Variants in SLC6A2 observed in about 807,000 individuals in gnomAD.
SLC6A2 encodes the protein solute carrier family 6 member 2, also known as sodium-dependent noradrenaline transporter.
Under a neutral mutation model 71.7 loss-of-function variants are expected in SLC6A2, and 26 were observed. That is an observed-to-expected ratio of 0.36 (90% CI 0.27 to 0.50). The LOEUF (loss-of-function observed/expected upper bound fraction) is 0.50. Among genes scored for constraint, SLC6A2 ranks in the 20% least tolerant of loss-of-function variants. SLC6A2 has a pLI of 0.96. For synonymous variants in SLC6A2, 363 were observed against 337.9 expected, an observed-to-expected ratio of 1.07 and a Z score of -0.82; for missense variants, 581 against 803.9, an observed-to-expected ratio of 0.72 and a Z score of 3.35.
At chr16:55,685,467 C>G (rs1280428669) in intron 5 of SLC6A2, among the ~76,000 whole-genome samples, 186 bp downstream of exon 5, 1 of 152,150 alleles carries the variant, frequency 6.6e-6, no homozygotes, top group Non-Finnish European at 1.5e-5. Flanking sequence ...TTTCCCTTCC[C>G]CAAATCTGTG....
At chr16:55,688,945 C>T (rs74019218) in intron 5 of SLC6A2, among the ~76,000 whole-genome samples, 3,257 of 152,250 alleles carry the variant, frequency 0.021, 111 homozygotes, top group African/African-American at 0.074. Flanking sequence ...ACAAATTATC[C>T]ATAGAAATAC....
At chr16:55,689,581 G>T (rs1164298065) in intron 5 of SLC6A2, among the ~76,000 whole-genome samples, 1 of 152,208 alleles carries the variant, frequency 6.6e-6, no homozygotes, top group Non-Finnish European at 1.5e-5. Flanking sequence ...TGCAGCTATT[G>T]ACATGAGTTT....
At chr16:55,699,212 T>C (rs1965895146) in intron 11 of SLC6A2, among the ~76,000 whole-genome samples, 1 of 152,108 alleles carries the variant, frequency 6.6e-6, no homozygotes, top group African/African-American at 2.4e-5. Context: ...GTATGCATAG[T>C]TGTTGTTATT....
At chr16:55,670,689 CAAACAAGT>C (rs1397776336) in intron 3 of SLC6A2, among the ~76,000 whole-genome samples, 1 of 152,140 alleles carries the variant, frequency 6.6e-6, no homozygotes, top group Non-Finnish European at 1.5e-5. Flanking sequence ...TTACCAAAAG[CAAACAAGT>C]AAACAAACAA....
At chr16:55,661,650 G>A (rs1473338331) in intron 2 of SLC6A2, among the ~76,000 whole-genome samples, 2 of 152,166 alleles carry the variant, frequency 1.3e-5, no homozygotes, top group African/African-American at 4.8e-5. Context: ...TCCCACTTGG[G>A]TCTGGAGCCC....
chr16:55,667,838 T>A (rs1964796385), intron 2 of SLC6A2, among the ~76,000 whole-genome samples: 1 of 152,200 alleles, frequency 6.6e-6, no homozygotes, highest in Non-Finnish European at 1.5e-5. Context: ...CTGTGGGGCA[T>A]GTTGGAAACA....
chr16:55,671,672 G>T, intron 3 of SLC6A2: 1 of 637,694 alleles, frequency 1.6e-6, no homozygotes, highest in Non-Finnish European at 2.7e-6. Flanking sequence ...GAGGGATCTA[G>T]GTTGTGTGCT....
intron 3 of SLC6A2, chr16:55,671,671 A>C (rs1396752736): frequency 1.6e-6 from 1 of 632,456 alleles, no homozygotes; most frequent in Non-Finnish European, 2.7e-6. Context: ...CGAGGGATCT[A>C]GGTTGTGTGC....
At position 55,700,236 on chromosome 16, in the gene SLC6A2, T is replaced by C; in HGVS notation, c.1688T>C (p.Leu563Pro). Reference sequence around the variant, plus strand: ...AACTGGGTGGGGTGGGGCATCGCCCTGTCCTCCATGGTCCTGGTGCCCATC... The same window carrying C: ...AACTGGGTGGGGTGGGGCATCGCCCCGTCCTCCATGGTCCTGGTGCCCATC... ...WANWVGWGIALSSMVLVPIYV... is the reference protein window; with the variant it reads ...WANWVGWGIAPSSMVLVPIYV... The change falls in exon 13 of 15, where the codon CTG (leucine) becomes CCG (proline). Residue 563 changes from leucine (L) to proline (P), a missense_variant. Coordinates refer to ENST00000568943, the MANE Select transcript of SLC6A2 (RefSeq NM_001172501.3). 1 of 1,614,072 alleles carries C rather than the reference T, an allele frequency of 6.2e-7. No homozygotes were observed. The highest frequency in any genetic ancestry group is 8.5e-7 in the Non-Finnish European group (1 of 1,179,980).
At chr16:55,666,660 A>G (rs1209613237) in intron 2 of SLC6A2, among the ~76,000 whole-genome samples, 2 of 152,142 alleles carry the variant, frequency 1.3e-5, no homozygotes, top group African/African-American at 4.8e-5. Flanking sequence ...CAGACCCATC[A>G]TCTTCCCTCC....
At position 55,696,171 on chromosome 16, in the gene SLC6A2, G is replaced by T; in HGVS notation, c.1148-54G>T. ...GCCCCCAGATACTCCCCTATCATGT[G>T]CAGCTCAGACCAATGGTTTCAGCCA... On this transcript the variant is annotated intron_variant, in intron 8 of 14. Coordinates refer to ENST00000568943, the MANE Select transcript of SLC6A2 (RefSeq NM_001172501.3). 3.7e-6 allele frequency: 4 copies of T among 1,070,722 alleles called. No homozygotes were observed. The South Asian group carries it at 3.7e-5, about 10-fold the overall frequency. The allele number at this position is 1,070,722 out of a possible 1,614,324, so 66.3% of individuals were successfully genotyped here.
At position 55,703,843 on chromosome 16, in the gene SLC6A2, A is replaced by T. The variant is rs1966044487; in HGVS notation, c.*1497A>T. 1.7e-5 allele frequency: 17 copies of T among 983,504 alleles called. No homozygotes were observed. The highest frequency in any genetic ancestry group is 2.1e-5 in the Non-Finnish European group (17 of 828,284). 60.9% of individuals were successfully genotyped at this position (983,504 alleles called of 1,614,324 possible). On this transcript the variant is annotated 3_prime_UTR_variant, in exon 15 of 15. Transcript: ENST00000568943. ...GTTGAGCCTGGTGGTTCCTGCATGA[A>T]GAGGATTATGAGGGGACCAGGGTGG...
chr16:55,662,471 G>C (rs765191891), intron 2 of SLC6A2, among the ~76,000 whole-genome samples: 1 of 152,138 alleles, frequency 6.6e-6, no homozygotes, highest in African/African-American at 2.4e-5. Flanking sequence ...TGTCATTTTT[G>C]ATTCCAATAT....
chr16:55,667,144 G>T (rs1412654383), intron 2 of SLC6A2, among the ~76,000 whole-genome samples: 1 of 151,990 alleles, frequency 6.6e-6, no homozygotes, highest in Non-Finnish European at 1.5e-5. Flanking sequence ...TAAGCCTCCT[G>T]CCTTGGCCTC....
intron 4 of SLC6A2, among the ~76,000 whole-genome samples, chr16:55,676,268 T>C (rs1190016766): frequency 6.6e-6 from 1 of 152,228 alleles, no homozygotes; most frequent in East Asian, 1.9e-4. Flanking sequence ...CCTGTCTTCC[T>C]CACCATCACA....
At chr16:55,665,580 C>T (rs1408249022) in intron 2 of SLC6A2, among the ~76,000 whole-genome samples, 2 of 152,038 alleles carry the variant, frequency 1.3e-5, no homozygotes, top group Admixed American at 1.3e-4. Context: ...GTCAGGGGAG[C>T]CTCTCTCCTT....
At chr16:55,674,696 A>T (rs1343204867) in intron 4 of SLC6A2, among the ~76,000 whole-genome samples, 1 of 152,204 alleles carries the variant, frequency 6.6e-6, no homozygotes, top group Non-Finnish European at 1.5e-5. Context: ...AAGTGCTGGG[A>T]TTACAGGCAT....
intron 5 of SLC6A2, among the ~76,000 whole-genome samples, chr16:55,691,230 G>GGAGAGAGAGAGA (rs56308124): frequency 2.2e-5 from 1 of 46,462 alleles, no homozygotes; most frequent in African/African-American, 1.0e-4. Flanking sequence ...GGGGAGAGGG[G>GGAGAGAGAGAGA]GAGAGAGAGA....
In SLC6A2 at chr16:55,700,222, G is replaced by T. The variant is rs752688970; in HGVS notation, c.1674G>T (p.Gly558=). 4 of 1,614,052 alleles carry T rather than the reference G, an allele frequency of 2.5e-6. No homozygotes were observed. The highest frequency in any genetic ancestry group is 1.1e-5 in the South Asian group (1 of 91,086). The change falls in exon 13 of 15, where the codon GGG becomes GGT. Residue 558 remains glycine, a synonymous_variant. Coordinates refer to ENST00000568943, the MANE Select transcript of SLC6A2 (RefSeq NM_001172501.3). ...YIFPPWANWV[G]WGIALSSMVL... is the part of the protein sequence containing the mutation. ...TCCCGCCCTGGGCCAACTGGGTGGG[G>T]TGGGGCATCGCCCTGTCCTCCATGG...
Sources: gnomAD v4.1 joint callset for allele counts (sites outside exome capture counted in the v4.1 genomes callset) on GRCh38, gnomAD v4.1.1 for gene constraint, MANE v1.5 for transcripts, NCBI Gene and HGNC (gene_info 2026-07-23, HGNC 2026-07-21) for gene names.